CACNA2D1: variants seen among roughly 807,000 people sequenced by gnomAD.
CACNA2D1 encodes the protein calcium voltage-gated channel auxiliary subunit alpha2delta 1.
Under a neutral mutation model 171.5 loss-of-function variants are expected in CACNA2D1, and 53 were observed. That is an observed-to-expected ratio of 0.31 (90% CI 0.25 to 0.39). The LOEUF (loss-of-function observed/expected upper bound fraction) is 0.39, where lower values mean the gene tolerates loss of function less well. Ranked by LOEUF, CACNA2D1 falls within the 10% of genes least tolerant of loss-of-function variation. CACNA2D1 has a pLI of 1.00. For synonymous variants in CACNA2D1, 442 were observed against 443.1 expected (o/e 1.00, Z 0.03); for missense variants, 903 against 1,299.8 (o/e 0.69, Z 4.69).
intron 3 of CACNA2D1, among the ~76,000 whole-genome samples, chr7:82,211,466 T>C (rs1383651661): frequency 6.6e-6 from 1 of 152,202 alleles, no homozygotes; most frequent in Non-Finnish European, 1.5e-5. Context: ...AGCATTTGGT[T>C]TTCTGTTCCT....
intron 3 of CACNA2D1, among the ~76,000 whole-genome samples, chr7:82,242,033 T>G (rs1335599463): frequency 6.6e-6 from 1 of 152,098 alleles, no homozygotes; most frequent in Non-Finnish European, 1.5e-5. Flanking sequence ...CCTAAATTGT[T>G]TCACTCGCAT....
intron 6 of CACNA2D1, among the ~76,000 whole-genome samples, chr7:82,109,884 A>G (rs1222735434): frequency 6.6e-6 from 1 of 152,190 alleles, no homozygotes; most frequent in African/African-American, 2.4e-5. Flanking sequence ...TCAGCAATAA[A>G]GCCAGGACTT....
intron 4 of CACNA2D1, among the ~76,000 whole-genome samples, chr7:82,138,893 T>C (rs1319123464): frequency 6.6e-6 from 1 of 152,174 alleles, no homozygotes; most frequent in Non-Finnish European, 1.5e-5. Context: ...CGATTTTCAA[T>C]TTAAAATGTG....
intron 1 of CACNA2D1, among the ~76,000 whole-genome samples, chr7:82,389,533 G>A (rs1235876142): frequency 3.3e-5 from 5 of 152,050 alleles, no homozygotes; most frequent in African/African-American, 1.2e-4. Flanking sequence ...ATGCTAAATG[G>A]TATGAGGTGT....
chr7:82,121,967 T>C (rs1563080041), intron 5 of CACNA2D1, among the ~76,000 whole-genome samples: 2 of 152,090 alleles, frequency 1.3e-5, no homozygotes, highest in Admixed American at 1.3e-4. Flanking sequence ...GAAAAGTAAA[T>C]TTATAACATC....
intron 1 of CACNA2D1, among the ~76,000 whole-genome samples, chr7:82,388,907 G>C: frequency 6.6e-6 from 1 of 151,796 alleles, no homozygotes; most frequent in South Asian, 2.1e-4. Flanking sequence ...CTGGAGGCAG[G>C]GAGTTTGGGA....
At chr7:82,196,463 C>T (rs914198283) in intron 3 of CACNA2D1, among the ~76,000 whole-genome samples, 1 of 151,944 alleles carries the variant, frequency 6.6e-6, no homozygotes, top group Non-Finnish European at 1.5e-5. Context: ...AGGGAGAAAA[C>T]GACAGGATCA....
At chr7:82,114,805 G>A (rs768361569) in intron 6 of CACNA2D1, among the ~76,000 whole-genome samples, 22 of 149,104 alleles carry the variant, frequency 1.5e-4, no homozygotes, top group Non-Finnish European at 2.8e-4. Flanking sequence ...GAAGTAAAGA[G>A]AAAGCAGCTA....
At chr7:82,103,399 G>A (rs76085945) in intron 6 of CACNA2D1, among the ~76,000 whole-genome samples, 1 of 152,142 alleles carries the variant, frequency 6.6e-6, no homozygotes, top group Non-Finnish European at 1.5e-5. Context: ...AATTAAGAGA[G>A]GAGAAAAGAT....
intron 6 of CACNA2D1, among the ~76,000 whole-genome samples, chr7:82,093,133 C>T (rs1015349978): frequency 6.6e-6 from 1 of 152,196 alleles, no homozygotes; most frequent in African/African-American, 2.4e-5. Flanking sequence ...TATCCACCCT[C>T]TCACAGACTG....
intron 6 of CACNA2D1, among the ~76,000 whole-genome samples, chr7:82,108,279 G>C (rs892024038): frequency 1.3e-5 from 2 of 152,022 alleles, no homozygotes; most frequent in Non-Finnish European, 2.9e-5. Flanking sequence ...ACCTTTTAAG[G>C]GTTAGTGTGT....
chr7:82,053,410 T>G (rs1805449246), intron 10 of CACNA2D1, among the ~76,000 whole-genome samples: 1 of 118,156 alleles, frequency 8.5e-6, no homozygotes, highest in Non-Finnish European at 1.8e-5. Context: ...TCACTTAAAA[T>G]TATTTAGTGA....
At chr7:82,212,465 A>T (rs1800659148) in intron 3 of CACNA2D1, among the ~76,000 whole-genome samples, 1 of 152,250 alleles carries the variant, frequency 6.6e-6, no homozygotes, top group African/African-American at 2.4e-5. Context: ...AATCATTGAC[A>T]AGAAGTATTT....
intron 1 of CACNA2D1, among the ~76,000 whole-genome samples, chr7:82,353,941 C>T (rs1007034717): frequency 6.6e-6 from 1 of 151,990 alleles, no homozygotes; most frequent in Non-Finnish European, 1.5e-5. Flanking sequence ...TTTAAGAAAA[C>T]AGCAAAAGCA....
At chr7:82,203,779 C>G (rs539587821) in intron 3 of CACNA2D1, among the ~76,000 whole-genome samples, 1 of 152,350 alleles carries the variant, frequency 6.6e-6, no homozygotes, top group Admixed American at 6.5e-5. Flanking sequence ...CAGTTAGTAA[C>G]TGCATATGCT....
intron 3 of CACNA2D1, among the ~76,000 whole-genome samples, chr7:82,217,559 T>C (rs1801280438): frequency 6.7e-6 from 1 of 150,290 alleles, no homozygotes; most frequent in Non-Finnish European, 1.5e-5. Flanking sequence ...AGTAGAACTA[T>C]AATTTCAGCA....
chr7:82,102,224 G>A (rs563435814), intron 6 of CACNA2D1, among the ~76,000 whole-genome samples: 2 of 151,886 alleles, frequency 1.3e-5, no homozygotes, highest in Admixed American at 1.3e-4. Context: ...AAGGTTTTAA[G>A]ACTTGAAAAA....
rs779137994 is a variant in CACNA2D1 at position 81,974,526 on chromosome 7, G to A, written c.1982C>T (p.Ser661Leu). ...PRDYCNDLKI[S>L]DNNTEFLLNF... ...TAAAAGAAATTCAGTGTTATTATCC[G>A]ATATTTTCAGGTCATTGCAGTAATC... The change falls in exon 25 of 39, where the codon TCG becomes TTG. Residue 661 changes from serine (S) to leucine (L), a missense_variant. Transcript: ENST00000356860. 12 of 1,558,502 alleles carry A rather than the reference G, an allele frequency of 7.7e-6. No individual in the cohort carries two copies. The highest frequency in any genetic ancestry group is 1.4e-5 in the African/African-American group (1 of 73,430).
At chr7:82,185,182 C>G (rs151076098) in intron 3 of CACNA2D1, among the ~76,000 whole-genome samples, 1 of 151,878 alleles carries the variant, frequency 6.6e-6, no homozygotes, top group African/African-American at 2.4e-5. Flanking sequence ...GTCAAATAAC[C>G]AATTAAGCAT....
Sources: gnomAD v4.1 joint callset for allele counts (sites outside exome capture counted in the v4.1 genomes callset) on GRCh38, gnomAD v4.1.1 for gene constraint, MANE v1.5 for transcripts, NCBI Gene and HGNC (gene_info 2026-07-23, HGNC 2026-07-21) for gene names.